The following PDE3B variants were observed in gnomAD, a reference collection of about 807,000 sequenced individuals.
The protein encoded by PDE3B is cGMP-inhibited 3',5'-cyclic phosphodiesterase 3B.
In PDE3B, 66 loss-of-function variants were observed where a neutral mutation model predicts 116.8. The ratio of observed to expected loss-of-function variants is 0.56; its 90% CI spans 0.46 to 0.69. PDE3B has a LOEUF of 0.69. Among genes scored for constraint, PDE3B ranks in the 30% least tolerant of loss-of-function variants. PDE3B has a pLI of 0.00. For missense variants in PDE3B, 1,384 were observed against 1,368.1 expected (o/e 1.01, Z -0.18); for synonymous variants, 595 against 533.6 (o/e 1.12, Z -1.59).
chr11:14,718,566 A>T (rs1441267857), intron 1 of PDE3B, among the ~76,000 whole-genome samples: 2 of 149,920 alleles, frequency 1.3e-5, no homozygotes, highest in African/African-American at 2.4e-5. Context: ...ATTATAGCAA[A>T]CTATCTCTCA....
At chr11:14,891,597 G>A in the PDE3B span, 4 of 1,060,882 alleles carry the variant, frequency 3.8e-6, no homozygotes, top group Non-Finnish European at 4.6e-6. Flanking sequence ...CTTCCACAGA[G>A]CTGCGAGGCC....
chr11:14,782,866 CA>C lies in PDE3B; in HGVS notation c.1030-3567del, dbSNP rs531898680. On this transcript the variant is annotated intron_variant, in intron 2 of 15. Transcript: ENST00000282096. ...AAATTTTCGCACTCTATCCATCTGACAAAAGGGCTAATATCCAGAATCTACA... is the reference window on the plus strand; with the variant it reads ...AAATTTTCGCACTCTATCCATCTGACAAAGGGCTAATATCCAGAATCTACA... Among the ~76,000 whole-genome samples the C allele has an allele frequency of 4.5e-3, 684 of 152,230 alleles. 3 individuals carry two copies. Among genetic ancestry groups the C allele is most frequent in the African/African-American group, 0.015 (611 of 41,538 alleles).
At chr11:14,818,925 C>T (rs1250638206) in intron 6 of PDE3B, among the ~76,000 whole-genome samples, 2 of 152,050 alleles carry the variant, frequency 1.3e-5, no homozygotes, top group Admixed American at 1.3e-4. Flanking sequence ...TACCTCAGAT[C>T]CAATGTTGAC....
intron 2 of PDE3B, chr11:14,772,190 G>T (rs915562874): frequency 7.1e-6 from 2 of 281,754 alleles, no homozygotes; most frequent in African/African-American, 4.4e-5. Context: ...AAGGGAAAAA[G>T]AAAATGATAA....
Position 14,723,252 on chromosome 11 carries a change from C to T in PDE3B, c.979-48685C>T, listed in dbSNP as rs568744106. On this transcript the variant is annotated intron_variant, in intron 1 of 15. Coordinates refer to ENST00000282096, the MANE Select transcript of PDE3B (RefSeq NM_000922.4). ...TAACCATACTGTGATCAGGTAACTT[C>T]TGAGGTATAGAAATTCATGTGTTAA... 5.9e-5 allele frequency among the ~76,000 whole-genome samples: 9 copies of T among 152,304 alleles called. No homozygotes were observed. In the South Asian group the frequency reaches 1.7e-3, roughly 28 times the overall value.
intron 1 of PDE3B, among the ~76,000 whole-genome samples, chr11:14,744,603 T>G (rs1230064053): frequency 6.6e-6 from 1 of 152,206 alleles, no homozygotes; most frequent in Non-Finnish European, 1.5e-5. Context: ...CCATCTCAGT[T>G]CTTTCTCTTA....
chr11:14,863,896 C>T (rs782488881), intron 14 of PDE3B, among the ~76,000 whole-genome samples: 4 of 152,158 alleles, frequency 2.6e-5, no homozygotes, highest in Admixed American at 1.3e-4. Context: ...ACCACATCAA[C>T]TAACGGGCAA....
intron 1 of PDE3B, among the ~76,000 whole-genome samples, chr11:14,652,692 C>T (rs932466853): frequency 6.6e-6 from 1 of 152,172 alleles, no homozygotes; most frequent in Non-Finnish European, 1.5e-5. Flanking sequence ...AACAACTACC[C>T]TTCCGCTGTC....
At chr11:14,799,758 T>A (rs916532698) in intron 4 of PDE3B, among the ~76,000 whole-genome samples, 1 of 17,162 alleles carries the variant, frequency 5.8e-5, no homozygotes, top group African/African-American at 2.9e-4. Flanking sequence ...AACTCCTGCC[T>A]TTTTTTTTTT....
the PDE3B span, among the ~76,000 whole-genome samples, chr11:14,898,990 T>C: frequency 6.6e-6 from 1 of 152,146 alleles, no homozygotes. Flanking sequence ...TTCAAGCCAG[T>C]TGAGACCCTC....
At chr11:14,736,556 TAAA>T (rs1328737580) in intron 1 of PDE3B, among the ~76,000 whole-genome samples, 1 of 152,162 alleles carries the variant, frequency 6.6e-6, no homozygotes, top group Non-Finnish European at 1.5e-5. Flanking sequence ...AGTCCAAGAT[TAAA>T]GAAGATTATA....
intron 11 of PDE3B, among the ~76,000 whole-genome samples, chr11:14,839,748 C>T (rs186691776): frequency 1.6e-4 from 25 of 152,118 alleles, no homozygotes; most frequent in Admixed American, 8.5e-4. Context: ...AGTCTGTTCC[C>T]GTAAGTTATC....
the PDE3B span, chr11:14,890,474 T>C: frequency 3.1e-6 from 3 of 978,804 alleles, no homozygotes; most frequent in African/African-American, 5.3e-5. Flanking sequence ...CGTAAACTAT[T>C]CGTGAACCAT....
chr11:14,674,367 G>C (rs2133785501), intron 1 of PDE3B: 3 of 739,998 alleles, frequency 4.1e-6, no homozygotes, highest in South Asian at 2.7e-5. Context: ...CCTTGTATTT[G>C]AGTACTCTGC....
At chr11:14,848,996 C>A (rs1391263335) in intron 12 of PDE3B, among the ~76,000 whole-genome samples, 3 of 152,098 alleles carry the variant, frequency 2.0e-5, no homozygotes, top group Admixed American at 6.6e-5. Context: ...CTTTAAAGTT[C>A]ATATGGAACC....
At chr11:14,798,708 GT>G (rs1858639197) in intron 4 of PDE3B, among the ~76,000 whole-genome samples, 1 of 152,120 alleles carries the variant, frequency 6.6e-6, no homozygotes, top group Non-Finnish European at 1.5e-5. Context: ...AGATTTTTTA[GT>G]TTATTTGTGT....
chr11:14,724,642 C>G (rs988037120), intron 1 of PDE3B, among the ~76,000 whole-genome samples: 1 of 152,148 alleles, frequency 6.6e-6, no homozygotes, highest in African/African-American at 2.4e-5. Flanking sequence ...GATCAGGATA[C>G]TCAACCTGTA....
chr11:14,695,976 T>G (rs911485258), intron 1 of PDE3B, among the ~76,000 whole-genome samples: 1 of 152,112 alleles, frequency 6.6e-6, no homozygotes, highest in African/African-American at 2.4e-5. Flanking sequence ...AGTGAACATA[T>G]GTGTGCATGT....
At chr11:14,652,895 G>T (rs1853608433) in intron 1 of PDE3B, among the ~76,000 whole-genome samples, 1 of 151,928 alleles carries the variant, frequency 6.6e-6, no homozygotes, top group Non-Finnish European at 1.5e-5. Flanking sequence ...ACAATAATAG[G>T]TTTTCTAATC....
Sources: allele counts gnomAD v4.1 joint callset (sites outside exome capture counted in the v4.1 genomes callset), GRCh38; gene constraint gnomAD v4.1.1; transcripts MANE v1.5; gene names NCBI Gene and HGNC (gene_info 2026-07-23, HGNC 2026-07-21).